ANO3: variants seen among roughly 807,000 people sequenced by gnomAD.
The protein encoded by ANO3 is anoctamin-3.
In ANO3, 99 loss-of-function variants were observed where a neutral mutation model predicts 144.8. The ratio of observed to expected loss-of-function variants is 0.68; its 90% confidence interval spans 0.58 to 0.81. The LOEUF (loss-of-function observed/expected upper bound fraction) is 0.81. ANO3 is among the 30% of genes least tolerant of loss of function. The pLI, the probability that ANO3 is intolerant of heterozygous loss-of-function variation, is 0.00. For missense variants in ANO3, 905 were observed against 1,202.2 expected, an observed-to-expected ratio of 0.75 and a Z score of 3.66; for synonymous variants, 414 against 392.6, an observed-to-expected ratio of 1.05 and a Z score of -0.64.
intron 4 of ANO3, among the ~76,000 whole-genome samples, chr11:26,490,484 G>A (rs1009649955): frequency 6.6e-6 from 1 of 152,206 alleles, no homozygotes; most frequent in Non-Finnish European, 1.5e-5. Flanking sequence ...TAGCTTTGTG[G>A]TATAAACTGT....
At chr11:26,613,396 G>A (rs370980460) in intron 17 of ANO3, among the ~76,000 whole-genome samples, 11 of 151,498 alleles carry the variant, frequency 7.3e-5, no homozygotes, top group Middle Eastern at 3.4e-3. Context: ...GTTATTTTTC[G>A]GATTTCATTG....
chr11:26,357,360 T>A, intron 1 of ANO3, among the ~76,000 whole-genome samples: 1 of 152,192 alleles, frequency 6.6e-6, no homozygotes. Flanking sequence ...AGACTTCTAG[T>A]TTCTTTATAA....
upstream of ANO3, among the ~76,000 whole-genome samples, chr11:26,328,163 T>C (rs1019899556): frequency 1.3e-5 from 2 of 152,202 alleles, no homozygotes; most frequent in African/African-American, 4.8e-5. Flanking sequence ...TCAGTAGTAC[T>C]ACTTCTGAAT....
intron 1 of ANO3, among the ~76,000 whole-genome samples, chr11:26,342,227 T>C (rs1461389): frequency 0.99 from 150,452 of 152,246 alleles, 74,363 homozygotes; most frequent in Middle Eastern, 1. Flanking sequence ...GAATATTACC[T>C]CCTATAGGGA....
intron 1 of ANO3, among the ~76,000 whole-genome samples, chr11:26,429,975 C>G (rs34180855): frequency 0.087 from 13,269 of 152,090 alleles, 816 homozygotes; most frequent in Admixed American, 0.18. Flanking sequence ...CGGGGGCTCA[C>G]GTCTGTAATC....
chr11:26,505,120 G>A (rs533308912), intron 4 of ANO3, among the ~76,000 whole-genome samples: 124 of 151,980 alleles, frequency 8.2e-4, no homozygotes, highest in African/African-American at 2.8e-3. Flanking sequence ...AGACCAGAGT[G>A]GTAGTAATGG....
At chr11:26,437,445 G>A (rs972686873) in intron 1 of ANO3, among the ~76,000 whole-genome samples, 3 of 152,224 alleles carry the variant, frequency 2.0e-5, no homozygotes, top group Admixed American at 2.0e-4. Flanking sequence ...TTCCCTGAGA[G>A]TAGGAGGCTC....
At chr11:26,503,332 CAATTCAAGA>C (rs1565065699) in intron 4 of ANO3, among the ~76,000 whole-genome samples, 9 of 152,076 alleles carry the variant, frequency 5.9e-5, no homozygotes, top group Non-Finnish European at 1.0e-4. Context: ...TTATACCAAA[CAATTCAAGA>C]AGCTGTATTC....
At chr11:26,279,752 A>G (rs772939272) in intron 1 of ANO3, among the ~76,000 whole-genome samples, 7 of 152,092 alleles carry the variant, frequency 4.6e-5, no homozygotes, top group Non-Finnish European at 8.8e-5. Context: ...AGGGGCCCCA[A>G]TCTCATTCTG....
chr11:26,533,675 G>A (rs541339324), intron 8 of ANO3, among the ~76,000 whole-genome samples: 13 of 152,198 alleles, frequency 8.5e-5, no homozygotes, highest in Non-Finnish European at 1.5e-4. Context: ...ATCTAGGCAA[G>A]AGGCAATGAG....
At chr11:26,239,717 C>G (rs940953842) in intron 1 of ANO3, among the ~76,000 whole-genome samples, 3 of 152,170 alleles carry the variant, frequency 2.0e-5, no homozygotes, top group African/African-American at 7.2e-5. Context: ...TGCTATAACC[C>G]CAGTCTCAGC....
At chr11:26,656,050 TG>T in intron 24 of ANO3, 74 bp from the exon 25 acceptor site, 1 of 1,181,822 alleles carries the variant, frequency 8.5e-7, no homozygotes, top group Non-Finnish European at 1.2e-6. Flanking sequence ...TGTAAAATCC[TG>T]GCATTTGTAA....
intron 3 of ANO3, among the ~76,000 whole-genome samples, chr11:26,445,039 A>G (rs1043576744): frequency 6.6e-6 from 1 of 152,204 alleles, no homozygotes; most frequent in Non-Finnish European, 1.5e-5. Context: ...TCTTGAGACC[A>G]GAAGTATTTC....
intron 4 of ANO3, among the ~76,000 whole-genome samples, chr11:26,489,022 A>G (rs2134102480): frequency 6.6e-6 from 1 of 152,252 alleles, no homozygotes; most frequent in East Asian, 1.9e-4. Context: ...TACATTCACA[A>G]TCCCTTAGCT....
At chr11:26,493,738 T>G (rs1860809314) in intron 4 of ANO3, among the ~76,000 whole-genome samples, 1 of 152,200 alleles carries the variant, frequency 6.6e-6, no homozygotes, top group Non-Finnish European at 1.5e-5. Flanking sequence ...TTAATGCAGC[T>G]TCTAACTTGG....
intron 21 of ANO3, among the ~76,000 whole-genome samples, chr11:26,639,843 C>A (rs1259425762): frequency 2.6e-5 from 4 of 152,154 alleles, no homozygotes; most frequent in African/African-American, 9.7e-5. Flanking sequence ...TTAAAATACA[C>A]TTTCCTTTAA....
At chr11:26,457,155 G>A (rs2134048558) in intron 3 of ANO3, among the ~76,000 whole-genome samples, 1 of 151,226 alleles carries the variant, frequency 6.6e-6, no homozygotes, top group Middle Eastern at 3.4e-3. Context: ...CAGCGCACCA[G>A]CATGGCACAG....
chr11:26,345,239 T>C (rs759604357), intron 1 of ANO3, among the ~76,000 whole-genome samples: 2 of 152,172 alleles, frequency 1.3e-5, no homozygotes, highest in African/African-American at 2.4e-5. Context: ...AATTATCAGA[T>C]ATCCCTTCCT....
At chr11:26,474,564 G>A (rs867811107) in intron 4 of ANO3, among the ~76,000 whole-genome samples, 3 of 151,828 alleles carry the variant, frequency 2.0e-5, no homozygotes, top group African/African-American at 7.2e-5. Flanking sequence ...ATATCTCATA[G>A]TGTTAAATGT....
Sources: gnomAD v4.1 joint callset for allele counts (sites outside exome capture counted in the v4.1 genomes callset) on GRCh38, gnomAD v4.1.1 for gene constraint, MANE v1.5 for transcripts, NCBI Gene and HGNC (gene_info 2026-07-23, HGNC 2026-07-21) for gene names.